The following LAP3 variants were observed in gnomAD, a reference collection of about 807,000 sequenced individuals.
LAP3 encodes the protein leucine aminopeptidase 3.
Under a neutral mutation model 58.8 loss-of-function variants are expected in LAP3, and 46 were observed. The observed-to-expected ratio is 0.78, with a 90% CI of 0.62 to 1.00. The LOEUF (loss-of-function observed/expected upper bound fraction) is 1.00, where lower values mean the gene tolerates loss of function less well. Ranked by LOEUF, LAP3 falls within the 50% of genes least tolerant of loss-of-function variation. The pLI, the probability that LAP3 is intolerant of heterozygous loss-of-function variation, is 0.00. For synonymous variants in LAP3, 257 were observed against 237.7 expected, an observed-to-expected ratio of 1.08 and a Z score of -0.75; for missense variants, 615 against 659.1, an observed-to-expected ratio of 0.93 and a Z score of 0.73.
chr4:17,582,167 C>T, intron 3 of LAP3, 121 bp from the exon 4 acceptor site: 3 of 797,962 alleles, frequency 3.8e-6, no homozygotes, highest in Non-Finnish European at 6.1e-6. Context: ...TGCGTTTAGC[C>T]CTGTTGCTGC....
At chr4:17,586,152 C>G (rs1254314267) in intron 6 of LAP3, 1 of 152,240 alleles carries the variant, frequency 6.6e-6, no homozygotes, top group Non-Finnish European at 1.5e-5. Flanking sequence ...CCTGCTCGTC[C>G]AGTTCCGTCG....
intron 8 of LAP3, among the ~76,000 whole-genome samples, chr4:17,596,401 G>A (rs914959675): frequency 1.2e-4 from 18 of 151,902 alleles, no homozygotes; most frequent in Non-Finnish European, 2.1e-4. Context: ...GTGCAATGGC[G>A]CGATCTTGGC....
At chr4:17,598,412 TCTTTA>T (rs1560347508) in intron 9 of LAP3, 39 bp from the exon 10 acceptor site, 1 of 1,405,462 alleles carries the variant, frequency 7.1e-7, no homozygotes, top group Non-Finnish European at 1.0e-6. Context: ...GTTTTCATAT[TCTTTA>T]CTTGCGCTGT....
At chr4:17,587,401 G>A (rs1438884343) in intron 6 of LAP3, 1 of 149,974 alleles carries the variant, frequency 6.7e-6, no homozygotes, top group Non-Finnish European at 1.5e-5. Flanking sequence ...GATTTAAAAT[G>A]CCCACATTGC....
chr4:17,604,869 C>T (rs978398823), intron 11 of LAP3, among the ~76,000 whole-genome samples: 3 of 152,052 alleles, frequency 2.0e-5, no homozygotes. Context: ...GGGATGATGC[C>T]CCCTGCTCCC....
intron 7 of LAP3, among the ~76,000 whole-genome samples, chr4:17,590,923 C>CTTTTTTTTTTT (rs533480552): frequency 1.2e-5 from 1 of 81,184 alleles, no homozygotes; most frequent in Non-Finnish European, 2.3e-5. Flanking sequence ...GAAAGTTAAA[C>CTTTTTTTTTTT]TTTTTTTTTT....
At chr4:17,588,366 A>G (rs1224197539) in intron 6 of LAP3, among the ~76,000 whole-genome samples, 2 of 152,074 alleles carry the variant, frequency 1.3e-5, no homozygotes, top group African/African-American at 4.8e-5. Context: ...GCTGGTTTCA[A>G]ACTCCTGAGC....
chr4:17,600,857 G>A (rs1713967240), intron 10 of LAP3, among the ~76,000 whole-genome samples: 1 of 152,132 alleles, frequency 6.6e-6, no homozygotes, highest in Admixed American at 6.5e-5. Flanking sequence ...GTTGGACTAG[G>A]CTTTAGTTGT....
chr4:17,604,576 T>TG lies in LAP3; in HGVS notation c.1181-11dup, dbSNP rs766477404. The stretch of plus-strand genomic sequence containing the variant: ...AGAGACTGCACGTGACCTGAGGGCT[T>TG]GTGTCTTACAGGTGCCATGGATGTA... On this transcript the variant is annotated splice_polypyrimidine_tract_variant and intron_variant, in intron 10 of 12. Transcript: ENST00000226299. 5.0e-6 allele frequency: 8 copies of TG among 1,612,454 alleles called. No homozygotes were observed. In the Admixed American group the frequency reaches 1.3e-4, roughly 27 times the overall value.
chr4:17,607,230 A>G (rs552471234), intron 12 of LAP3, among the ~76,000 whole-genome samples, 170 bp from the exon 13 acceptor site: 3 of 152,374 alleles, frequency 2.0e-5, no homozygotes, highest in African/African-American at 7.2e-5. Context: ...TTTACTGCTT[A>G]AAGCAATATC....
At position 17,588,981 on chromosome 4, in the gene LAP3, T is replaced by A; in HGVS notation, c.863+4T>A. The A allele has an allele frequency of 2.5e-6, 4 of 1,612,726 alleles. No individual in the cohort carries two copies. The highest frequency in any genetic ancestry group is 3.4e-6 in the Non-Finnish European group (4 of 1,178,892). ...GGAAAGGAATTACCTTTGACAGGTATTTTTTATGGTGTCCGTGCTTTGTAT... is the reference window on the plus strand; with the variant it reads ...GGAAAGGAATTACCTTTGACAGGTAATTTTTATGGTGTCCGTGCTTTGTAT... On this transcript the variant is annotated splice_donor_region_variant and intron_variant, in intron 7 of 12. Transcript: ENST00000226299.
intron 4 of LAP3, among the ~76,000 whole-genome samples, chr4:17,583,067 G>A (rs1713405754): frequency 6.6e-6 from 1 of 152,212 alleles, no homozygotes; most frequent in Admixed American, 6.5e-5. Flanking sequence ...AAAATGCTGT[G>A]TTAATAATGG....
rs2109025495 is a variant in LAP3, at chr4:17,607,406, A to G, written c.1377A>G (p.Ala459=). The G allele has an allele frequency of 1.2e-6, 2 of 1,611,750 alleles. No homozygotes were observed. Among genetic ancestry groups the G allele is most frequent in the South Asian group, 2.2e-5 (2 of 90,566 alleles). Residue 459 remains alanine (A), a synonymous_variant, in exon 13 of 13, where the codon GCA becomes GCG. Transcript: ENST00000226299. ...TTTTTGTCTTTCTCTTCAGATCTGC[A>G]GGAGCATGTACAGCTGCAGCATTCC... The part of the protein sequence containing the change: ...DVNNIGKYRS[A]GACTAAAFLK...
chr4:17,593,316 T>C (rs1217552261), intron 7 of LAP3, among the ~76,000 whole-genome samples: 1 of 152,202 alleles, frequency 6.6e-6, no homozygotes, highest in East Asian at 1.9e-4. Flanking sequence ...TTTTGTCTTT[T>C]TTTTTTCCTA....
chr4:17,603,422 C>T (rs1714027829), intron 10 of LAP3, among the ~76,000 whole-genome samples: 1 of 151,918 alleles, frequency 6.6e-6, no homozygotes, highest in Non-Finnish European at 1.5e-5. Flanking sequence ...CCTTGGGAGG[C>T]TGACATGGGA....
chr4:17,607,287 G>T, intron 12 of LAP3, 113 bp from the exon 13 acceptor site: 1 of 789,796 alleles, frequency 1.3e-6, no homozygotes, highest in Non-Finnish European at 2.0e-6. Context: ...CATCTTAATA[G>T]GTCTTACAAG....
At position 17,582,345 on chromosome 4, in the gene LAP3, C is replaced by G. The variant is rs1440060598; in HGVS notation, c.331C>G (p.Gln111Glu). ...CAAAAAGGCAGCTGGAATCGACGAA[C>G]AGGAAAACTGGCATGAAGGCAAAGA... ...LGKKAAGIDE[Q>E]ENWHEGKENI... The change falls in exon 4 of 13, where the codon CAG becomes GAG. Residue 111 changes from glutamine (Q) to glutamate (E), a missense_variant. Gln to Glu is a conservative substitution (Grantham distance 29, BLOSUM62 2). Coordinates refer to ENST00000226299, the MANE Select transcript of LAP3 (RefSeq NM_015907.3). The G allele has an allele frequency of 1.9e-6, 3 of 1,614,144 alleles. No individual in the cohort carries two copies. Among genetic ancestry groups the G allele is most frequent in the Non-Finnish European group, 2.5e-6 (3 of 1,180,022 alleles).
chr4:17,606,154 GTC>G (rs896373226), intron 11 of LAP3, among the ~76,000 whole-genome samples: 5 of 152,072 alleles, frequency 3.3e-5, no homozygotes, highest in African/African-American at 1.2e-4. Flanking sequence ...TGGTCATCCT[GTC>G]TCAGGATTTC....
intron 1 of LAP3, among the ~76,000 whole-genome samples, chr4:17,578,567 C>T (rs1412457507): frequency 6.6e-6 from 1 of 152,150 alleles, no homozygotes; most frequent in Non-Finnish European, 1.5e-5. Context: ...GAGCTCCTGT[C>T]TCAAACTAGG....
Sources: allele counts gnomAD v4.1 joint callset (sites outside exome capture counted in the v4.1 genomes callset), GRCh38; gene constraint gnomAD v4.1.1; transcripts MANE v1.5; gene names NCBI Gene and HGNC (gene_info 2026-07-23, HGNC 2026-07-21).